FBN1: variants seen among roughly 807,000 people sequenced by gnomAD.
The protein encoded by FBN1 is fibrillin-1.
Under a neutral mutation model 365.1 loss-of-function variants are expected in FBN1, and 29 were observed. The observed-to-expected ratio is 0.08, with a 90% CI of 0.06 to 0.11. FBN1 has a LOEUF of 0.11. Among genes scored for constraint, FBN1 ranks in the 10% least tolerant of loss-of-function variants. The pLI is 1.00. For synonymous variants in FBN1, 1,210 were observed against 1,270.5 expected (o/e 0.95, Z 1.01); for missense variants, 2,476 against 3,703.2 (o/e 0.67, Z 8.60).
intron 17 of FBN1, among the ~76,000 whole-genome samples, chr15:48,500,975 G>C (rs957446086): frequency 3.3e-5 from 5 of 152,172 alleles, no homozygotes; most frequent in Admixed American, 2.6e-4. Context: ...CCCCATTCTT[G>C]AAATGAGGGA....
At chr15:48,626,523 T>C (rs971512825) in intron 2 of FBN1, among the ~76,000 whole-genome samples, 1 of 152,136 alleles carries the variant, frequency 6.6e-6, no homozygotes, top group African/African-American at 2.4e-5. Context: ...TTTAAAACAT[T>C]TCTCTATCTA....
intron 14 of FBN1, 131 bp downstream of exon 14, chr15:48,509,913 T>C (rs369461294): frequency 5.0e-6 from 5 of 991,036 alleles, no homozygotes; most frequent in East Asian, 2.7e-5. Context: ...AAATTAGGCT[T>C]CCTTTTGAGA....
intron 58 of FBN1, 59 bp from the exon 59 acceptor site, chr15:48,425,923 T>C (rs142509247): frequency 1.2e-4 from 159 of 1,359,784 alleles, no homozygotes; most frequent in Admixed American, 3.9e-4. Flanking sequence ...CATTAATATG[T>C]AGGGGGTCAC....
intron 6 of FBN1, among the ~76,000 whole-genome samples, chr15:48,590,574 T>C (rs752550877): frequency 3.9e-5 from 6 of 152,264 alleles, no homozygotes; most frequent in Non-Finnish European, 8.8e-5. Context: ...AAACGTCAAC[T>C]GCACATATAA....
At chr15:48,468,187 A>G in intron 37 of FBN1, 85 bp from the exon 38 acceptor site, 2 of 1,541,118 alleles carry the variant, frequency 1.3e-6, no homozygotes, top group Non-Finnish European at 1.8e-6. Flanking sequence ...GGAACTGTTC[A>G]AAAACCGTAA....
intron 63 of FBN1, among the ~76,000 whole-genome samples, chr15:48,417,286 T>G (rs923464159): frequency 6.6e-6 from 1 of 152,154 alleles, no homozygotes; most frequent in African/African-American, 2.4e-5. Context: ...ATAAAAGTGG[T>G]GGGGAAGGAT....
chr15:48,420,110 T>C (rs1015351253), intron 63 of FBN1, among the ~76,000 whole-genome samples: 3 of 152,208 alleles, frequency 2.0e-5, no homozygotes, highest in Non-Finnish European at 4.4e-5. Flanking sequence ...CATGACATTG[T>C]AGAATCAAAG....
At chr15:48,544,352 C>A (rs1008655602) in intron 6 of FBN1, among the ~76,000 whole-genome samples, 3 of 152,178 alleles carry the variant, frequency 2.0e-5, no homozygotes, top group South Asian at 2.1e-4. Context: ...CTGTATTATG[C>A]AAAATGTTTA....
intron 4 of FBN1, among the ~76,000 whole-genome samples, chr15:48,600,627 C>CT (rs2044556271): frequency 6.6e-6 from 1 of 152,162 alleles, no homozygotes; most frequent in Non-Finnish European, 1.5e-5. Flanking sequence ...TCGCTTGAAC[C>CT]TGGGGGGGCA....
chr15:48,549,034 A>C (rs1416604405), intron 6 of FBN1, among the ~76,000 whole-genome samples: 1 of 152,234 alleles, frequency 6.6e-6, no homozygotes, highest in Admixed American at 6.5e-5. Context: ...TCCTGCACAA[A>C]GCAAGTGTTC....
At chr15:48,639,728 G>A (rs994167813) in intron 2 of FBN1, among the ~76,000 whole-genome samples, 4 of 152,114 alleles carry the variant, frequency 2.6e-5, no homozygotes, top group Non-Finnish European at 5.9e-5. Flanking sequence ...ACATAACTCA[G>A]GCCTGATATA....
At chr15:48,476,610 C>CTTTTCTTT (rs2043419915) in intron 32 of FBN1, 1 of 120,010 alleles carries the variant, frequency 8.3e-6, no homozygotes, top group Non-Finnish European at 1.7e-5. Context: ...CTTTTCTTTT[C>CTTTTCTTT]TTTTTTTTTT....
intron 2 of FBN1, chr15:48,643,055 T>C (rs1394840918): frequency 6.6e-6 from 1 of 152,224 alleles, no homozygotes; most frequent in East Asian, 1.9e-4. Context: ...CTGCAGATCT[T>C]CAGCCACAGA....
intron 6 of FBN1, among the ~76,000 whole-genome samples, chr15:48,566,206 T>C (rs2044257561): frequency 6.6e-6 from 1 of 152,180 alleles, no homozygotes; most frequent in South Asian, 2.1e-4. Flanking sequence ...ACAACACATT[T>C]CCACCACAGA....
chr15:48,617,879 C>A (rs1220730832), intron 2 of FBN1, among the ~76,000 whole-genome samples: 1 of 152,172 alleles, frequency 6.6e-6, no homozygotes, highest in Non-Finnish European at 1.5e-5. Context: ...AGCAAGATAG[C>A]CTTTCTGTTT....
At chr15:48,644,416 A>T in intron 2 of FBN1, 190 bp downstream of exon 2, 5 of 748,470 alleles carry the variant, frequency 6.7e-6, no homozygotes, top group Non-Finnish European at 1.1e-5. Flanking sequence ...CCTTTGGGGC[A>T]GAAATCTCTG....
At chr15:48,618,005 T>C (rs1353690319) in intron 2 of FBN1, among the ~76,000 whole-genome samples, 1 of 152,212 alleles carries the variant, frequency 6.6e-6, no homozygotes, top group Non-Finnish European at 1.5e-5. Context: ...ATTAAACTCT[T>C]GGGCAAGGAG....
chr15:48,640,094 A>G (rs1455135529), intron 2 of FBN1, among the ~76,000 whole-genome samples: 1 of 152,206 alleles, frequency 6.6e-6, no homozygotes, highest in Non-Finnish European at 1.5e-5. Context: ...ATTCCAAATA[A>G]GGTTGAAGGG....
At chr15:48,560,676 T>C (rs1454487341) in intron 6 of FBN1, among the ~76,000 whole-genome samples, 1 of 152,338 alleles carries the variant, frequency 6.6e-6, no homozygotes, top group Non-Finnish European at 1.5e-5. Context: ...AATGCGAGCT[T>C]CTAAAATTGC....
Sources: gnomAD v4.1 joint callset for allele counts (sites outside exome capture counted in the v4.1 genomes callset) on GRCh38, gnomAD v4.1.1 for gene constraint, MANE v1.5 for transcripts, NCBI Gene and HGNC (gene_info 2026-07-23, HGNC 2026-07-21) for gene names.